Variants in IRAK2 observed in about 807,000 individuals in gnomAD.
The protein encoded by IRAK2 is interleukin 1 receptor associated kinase 2.
IRAK2 carries 57 observed loss-of-function variants against 72.0 expected under a neutral mutation model. The ratio of observed to expected loss-of-function variants is 0.79; its 90% CI spans 0.64 to 0.99. The LOEUF is 0.99. Ranked by LOEUF, IRAK2 falls within the 50% of genes least tolerant of loss-of-function variation. The pLI, the probability that IRAK2 is intolerant of heterozygous loss-of-function variation, is 0.00. For missense variants in IRAK2, 790 were observed against 794.4 expected (o/e 0.99, Z 0.07); for synonymous variants, 293 against 312.7 (o/e 0.94, Z 0.67).
At chr3:10,222,254 G>C (rs1181619809) in intron 8 of IRAK2, among the ~76,000 whole-genome samples, 1 of 152,112 alleles carries the variant, frequency 6.6e-6, no homozygotes, top group Non-Finnish European at 1.5e-5. Flanking sequence ...AAGGATGCTG[G>C]CCACTTAGAC....
intron 3 of IRAK2, among the ~76,000 whole-genome samples, chr3:10,205,127 A>G (rs1697416081): frequency 6.6e-6 from 1 of 152,208 alleles, no homozygotes; most frequent in African/African-American, 2.4e-5. Flanking sequence ...ATTAGTTTGT[A>G]TGGAATCCAG....
chr3:10,178,938 A>T lies in IRAK2; in HGVS notation c.277+918A>T, dbSNP rs893578214. Among the ~76,000 whole-genome samples the T allele has an allele frequency of 9.9e-5, 15 of 152,168 alleles. 1 individual carries two copies. Among genetic ancestry groups the T allele is most frequent in the East Asian group, 5.8e-4 (3 of 5,144 alleles). On this transcript the variant is annotated intron_variant, in intron 2 of 12. Coordinates refer to ENST00000256458, the MANE Select transcript of IRAK2 (RefSeq NM_001570.4). The stretch of plus-strand genomic sequence containing the variant: ...TGCCTCAACTTCCTGAGTAATTGGG[A>T]CTATAGGCACATGCCACCATGCCTG...
chr3:10,223,546 T>C (rs1697727650), intron 9 of IRAK2, among the ~76,000 whole-genome samples: 1 of 152,248 alleles, frequency 6.6e-6, no homozygotes, highest in Admixed American at 6.5e-5. Context: ...TTGGAAATAT[T>C]GCATTAGGCA....
chr3:10,225,920 C>T (rs1225260205), intron 9 of IRAK2, among the ~76,000 whole-genome samples: 2 of 152,008 alleles, frequency 1.3e-5, no homozygotes, highest in South Asian at 2.1e-4. Context: ...AGGATGGTCT[C>T]GATCTCCTGA....
chr3:10,191,926 G>A (rs755148089), intron 2 of IRAK2, among the ~76,000 whole-genome samples: 4 of 152,176 alleles, frequency 2.6e-5, no homozygotes, highest in Non-Finnish European at 4.4e-5. Flanking sequence ...TCAGCAGCAG[G>A]TGGAGTACAA....
chr3:10,229,969 G>C (rs946593880), intron 10 of IRAK2, among the ~76,000 whole-genome samples: 6 of 151,986 alleles, frequency 3.9e-5, no homozygotes, highest in African/African-American at 9.7e-5. Context: ...GTGTGGTGGC[G>C]AGTGCCTGTA....
chr3:10,204,996 G>C (rs1697414900), intron 3 of IRAK2, among the ~76,000 whole-genome samples: 1 of 151,806 alleles, frequency 6.6e-6, no homozygotes, highest in Non-Finnish European at 1.5e-5. Flanking sequence ...CCCTCCCTTA[G>C]CCATTATTTT....
chr3:10,234,687 G>A, intron 11 of IRAK2, 28 bp downstream of exon 11: 3 of 1,599,610 alleles, frequency 1.9e-6, no homozygotes, highest in Non-Finnish European at 2.6e-6. Context: ...CGGCCTCGCT[G>A]CCTGGGCCAC....
intron 2 of IRAK2, among the ~76,000 whole-genome samples, chr3:10,183,842 T>C (rs926173578): frequency 2.8e-4 from 42 of 152,348 alleles, no homozygotes; most frequent in African/African-American, 9.9e-4. Flanking sequence ...AGCCCCTTTT[T>C]CCTCTTTTAG....
In IRAK2 at chr3:10,242,143, T is replaced by A. The variant is rs374351423; in HGVS notation, c.1793T>A (p.Ile598Asn). The A allele has an allele frequency of 6.2e-7, 1 of 1,612,960 alleles. No individual in the cohort carries two copies. The highest frequency in any genetic ancestry group is 2.2e-5 in the East Asian group (1 of 44,880). ...ACAGAAACTTCGTGGCAAATTGAGA[T>A]CAATGAGGCCAAAAGGAAACTGATG... is the stretch of plus-strand genomic sequence containing the variant. ...DVTETSWQIE[I>N]NEAKRKLMEN... is the part of the protein sequence containing the mutation. Residue 598 changes from isoleucine to asparagine, a missense_variant, in exon 13 of 13, where the codon ATC becomes AAC. Transcript: ENST00000256458.
intron 8 of IRAK2, among the ~76,000 whole-genome samples, chr3:10,221,684 G>T (rs1441614455): frequency 6.6e-6 from 1 of 152,012 alleles, no homozygotes; most frequent in Non-Finnish European, 1.5e-5. Flanking sequence ...GCACCACCAT[G>T]CCGTGCTGAA....
chr3:10,227,787 G>A (rs1697803249), intron 10 of IRAK2, among the ~76,000 whole-genome samples: 1 of 151,802 alleles, frequency 6.6e-6, no homozygotes, highest in Middle Eastern at 3.4e-3. Flanking sequence ...TTCTGCCTCA[G>A]CCTCCCGAGC....
chr3:10,195,479 G>A (rs1379855271), intron 2 of IRAK2, among the ~76,000 whole-genome samples: 3 of 151,996 alleles, frequency 2.0e-5, no homozygotes, highest in African/African-American at 7.3e-5. Flanking sequence ...TTGAGCTCAG[G>A]AGTTTGAGGC....
chr3:10,168,856 C>T (rs1170939642), intron 1 of IRAK2, among the ~76,000 whole-genome samples: 1 of 152,198 alleles, frequency 6.6e-6, no homozygotes, highest in Non-Finnish European at 1.5e-5. Context: ...CTGGGACGTT[C>T]TTCCCCCTGT....
At position 10,228,020 on chromosome 3, in the gene IRAK2, T is replaced by C. The variant is rs557787791; in HGVS notation, c.1272+1587T>C. Among the ~76,000 whole-genome samples the C allele has an allele frequency of 3.3e-5, 5 of 152,124 alleles. No homozygotes were observed. In the South Asian group the frequency reaches 1.0e-3, roughly 32 times the overall value. On this transcript the variant is annotated intron_variant, in intron 10 of 12. Transcript: ENST00000256458. ...GTCCAACCATACGAATTCAGTATTA[T>C]CATTCCCATTTACAGCTGAGAAAAC...
At chr3:10,192,021 G>GGA (rs1559443335) in intron 2 of IRAK2, among the ~76,000 whole-genome samples, 2 of 117,462 alleles carry the variant, frequency 1.7e-5, no homozygotes, top group Non-Finnish European at 3.4e-5. Context: ...GCTTGAGTTG[G>GGA]GAGTGTGTGT....
chr3:10,186,783 C>CTTTTTTT (rs4020034), intron 2 of IRAK2, among the ~76,000 whole-genome samples: 1 of 124,732 alleles, frequency 8.0e-6, no homozygotes, highest in African/African-American at 3.3e-5. Flanking sequence ...TCTTTCTTTC[C>CTTTTTTT]TTTTTTTTTT....
At chr3:10,167,534 C>A (rs1455880146) in intron 1 of IRAK2, among the ~76,000 whole-genome samples, 1 of 152,066 alleles carries the variant, frequency 6.6e-6, no homozygotes, top group African/African-American at 2.4e-5. Context: ...CCTGCTTCAG[C>A]CTCCCTAGCA....
chr3:10,238,882 C>T lies in IRAK2; in HGVS notation c.1608C>T (p.Ser536=). The T allele has an allele frequency of 5.0e-6, 8 of 1,614,150 alleles. No individual in the cohort carries two copies. The highest frequency in any genetic ancestry group is 5.9e-6 in the Non-Finnish European group (7 of 1,180,014). The part of the protein sequence containing the change: ...PEETDDVDNS[S]LDASSSMSVA... ...AAACAGACGACGTTGACAATTCCAG[C>T]CTTGATGCCTCCTCCTCCATGAGTG... Residue 536 remains serine, a synonymous_variant, in exon 12 of 13, where the codon AGC becomes AGT. Coordinates refer to ENST00000256458, the MANE Select transcript of IRAK2 (RefSeq NM_001570.4).
Sources: allele counts gnomAD v4.1 joint callset (sites outside exome capture counted in the v4.1 genomes callset), GRCh38; gene constraint gnomAD v4.1.1; transcripts MANE v1.5; gene names NCBI Gene and HGNC (gene_info 2026-07-23, HGNC 2026-07-21).